ADGRL3: variants seen among roughly 807,000 people sequenced by gnomAD.
ADGRL3 encodes the protein calcium-independent alpha-latrotoxin receptor 3.
ADGRL3 carries 62 observed loss-of-function variants against 153.5 expected under a neutral mutation model. The observed-to-expected ratio is 0.40, with a 90% CI of 0.33 to 0.50. ADGRL3 has a LOEUF of 0.50. ADGRL3 is among the 20% of genes least tolerant of loss of function. ADGRL3 has a pLI of 0.47. For missense variants in ADGRL3, 1,641 were observed against 1,859.4 expected, an observed-to-expected ratio of 0.88 and a Z score of 2.16; for synonymous variants, 710 against 672.5, an observed-to-expected ratio of 1.06 and a Z score of -0.86.
At chr4:61,272,263 T>A (rs2093226887) in intron 1 of ADGRL3, among the ~76,000 whole-genome samples, 1 of 152,022 alleles carries the variant, frequency 6.6e-6, no homozygotes, top group Admixed American at 6.6e-5. Context: ...TATGTGTCAG[T>A]TTTTTTAATT....
At chr4:61,852,468 C>T (rs1287086875) in intron 9 of ADGRL3, among the ~76,000 whole-genome samples, 3 of 152,162 alleles carry the variant, frequency 2.0e-5, no homozygotes, top group South Asian at 2.1e-4. Context: ...GCATGTGCCA[C>T]CATGCCTAGC....
chr4:61,844,808 G>GACT (rs1440280088), intron 9 of ADGRL3, among the ~76,000 whole-genome samples: 1 of 151,196 alleles, frequency 6.6e-6, no homozygotes, highest in African/African-American at 2.4e-5. Context: ...ACTGCTTTTG[G>GACT]ACTGCTTCCT....
chr4:61,936,813 C>G (rs552091104), intron 15 of ADGRL3, among the ~76,000 whole-genome samples: 22 of 150,860 alleles, frequency 1.5e-4, no homozygotes, highest in Admixed American at 4.6e-4. Flanking sequence ...CACACACACA[C>G]AGAGATATAT....
chr4:61,318,879 T>C (rs544271639), intron 1 of ADGRL3, among the ~76,000 whole-genome samples: 2 of 152,244 alleles, frequency 1.3e-5, no homozygotes, highest in African/African-American at 4.8e-5. Flanking sequence ...ATTTTTTATA[T>C]TGACAGTCAA....
intron 17 of ADGRL3, among the ~76,000 whole-genome samples, chr4:61,966,091 ATTC>A (rs1335292040): frequency 2.6e-5 from 4 of 152,326 alleles, no homozygotes; most frequent in African/African-American, 9.6e-5. Context: ...TCTAATAAAT[ATTC>A]TTTTTTTCTG....
intron 3 of ADGRL3, among the ~76,000 whole-genome samples, chr4:61,516,613 G>T (rs2098497168): frequency 6.6e-6 from 1 of 151,118 alleles, no homozygotes; most frequent in Non-Finnish European, 1.5e-5. Context: ...TTATTGTCTT[G>T]GTCTTTCATA....
intron 1 of ADGRL3, among the ~76,000 whole-genome samples, chr4:61,249,572 CAAAAGGA>C (rs1758434500): frequency 4.0e-5 from 6 of 151,678 alleles, no homozygotes; most frequent in Admixed American, 3.9e-4. Context: ...AACAGAGTGA[CAAAAGGA>C]ATGCATTTTC....
chr4:61,828,693 C>A (rs1220285250), intron 9 of ADGRL3, among the ~76,000 whole-genome samples: 1 of 152,112 alleles, frequency 6.6e-6, no homozygotes, highest in Non-Finnish European at 1.5e-5. Flanking sequence ...TCATTTTGTA[C>A]TTTATTGAAA....
intron 1 of ADGRL3, among the ~76,000 whole-genome samples, chr4:61,380,441 A>G (rs991890530): frequency 3.3e-5 from 5 of 152,088 alleles, no homozygotes; most frequent in East Asian, 1.9e-4. Flanking sequence ...ATTCATATTT[A>G]TCATGTATTC....
At chr4:61,813,312 T>G (rs150806516) in intron 8 of ADGRL3, among the ~76,000 whole-genome samples, 6 of 152,082 alleles carry the variant, frequency 3.9e-5, no homozygotes, top group Non-Finnish European at 8.8e-5. Context: ...GAGAACAGCT[T>G]GAACCCTGGA....
At chr4:62,039,419 TA>T (rs922412846) in intron 24 of ADGRL3, among the ~76,000 whole-genome samples, 18 of 152,198 alleles carry the variant, frequency 1.2e-4, no homozygotes, top group African/African-American at 4.1e-4. Context: ...TATTTCCAAT[TA>T]AAATTTTAAA....
intron 1 of ADGRL3, among the ~76,000 whole-genome samples, chr4:61,350,370 G>A (rs1318362658): frequency 1.4e-5 from 2 of 142,486 alleles, no homozygotes; most frequent in African/African-American, 2.6e-5. Context: ...TTTCTATCTG[G>A]GGAAATGTAC....
At chr4:61,729,174 A>T (rs1580486624) in intron 6 of ADGRL3, among the ~76,000 whole-genome samples, 1 of 152,062 alleles carries the variant, frequency 6.6e-6, no homozygotes, top group South Asian at 2.1e-4. Context: ...CCATGTAACA[A>T]ACCTGTACAT....
chr4:61,765,264 A>G (rs1381935399), intron 8 of ADGRL3, among the ~76,000 whole-genome samples: 1 of 152,014 alleles, frequency 6.6e-6, no homozygotes, highest in Non-Finnish European at 1.5e-5. Context: ...TAGGGATGAC[A>G]GGTTTTTTGG....
intron 9 of ADGRL3, among the ~76,000 whole-genome samples, chr4:61,875,809 T>C (rs1330296037): frequency 2.0e-5 from 3 of 152,226 alleles, no homozygotes; most frequent in African/African-American, 4.8e-5. Context: ...TCAACATATG[T>C]GAGGACTGAT....
At chr4:61,448,900 A>AAGGAAGGAAGGAAGAAGGGAGGGG (rs2097638141) in intron 2 of ADGRL3, among the ~76,000 whole-genome samples, 1 of 88,268 alleles carries the variant, frequency 1.1e-5, no homozygotes, top group African/African-American at 4.4e-5. Context: ...GAAGGGAGGG[A>AAGGAAGGAAGGAAGAAGGGAGGGG]GGGAGGGGAA....
intron 13 of ADGRL3, among the ~76,000 whole-genome samples, chr4:61,930,201 G>A (rs922587271): frequency 6.6e-6 from 1 of 151,758 alleles, no homozygotes; most frequent in Non-Finnish European, 1.5e-5. Flanking sequence ...AAATGCCATG[G>A]TGGTAAAGTT....
chr4:61,642,096 T>C (rs1341435434), intron 5 of ADGRL3, among the ~76,000 whole-genome samples: 1 of 148,596 alleles, frequency 6.7e-6, no homozygotes, highest in African/African-American at 2.5e-5. Flanking sequence ...TTTTGAGAAG[T>C]GTCTGTTCAT....
At chr4:61,273,655 C>T (rs2093318603) in intron 1 of ADGRL3, among the ~76,000 whole-genome samples, 3 of 152,098 alleles carry the variant, frequency 2.0e-5, no homozygotes, top group Admixed American at 6.6e-5. Context: ...TCCCTACCCT[C>T]GAATATGTGG....
Sources: allele counts gnomAD v4.1 joint callset (sites outside exome capture counted in the v4.1 genomes callset), GRCh38; gene constraint gnomAD v4.1.1; transcripts MANE v1.5; gene names NCBI Gene and HGNC (gene_info 2026-07-23, HGNC 2026-07-21).